Variants in RXYLT1 observed in about 807,000 individuals in gnomAD.
RXYLT1 encodes ribitol-5-phosphate xylosyltransferase 1.
Under a neutral mutation model 43.5 loss-of-function variants are expected in RXYLT1, and 41 were observed. The ratio of observed to expected loss-of-function variants is 0.94; its 90% CI spans 0.73 to 1.22. The LOEUF (loss-of-function observed/expected upper bound fraction) is 1.22, where lower values mean the gene tolerates loss of function less well. Among genes scored for constraint, RXYLT1 ranks in the 50% most tolerant of loss-of-function variants. The probability of loss-of-function intolerance (pLI) is 0.00; values close to 1 mark genes in which losing one functional copy is unlikely to be tolerated. For missense variants in RXYLT1, 514 were observed against 532.0 expected, an observed-to-expected ratio of 0.97 and a Z score of 0.33; for synonymous variants, 166 against 194.4, an observed-to-expected ratio of 0.85 and a Z score of 1.21.
At chr12:63,803,326 A>T (rs543360339) in intron 4 of RXYLT1, among the ~76,000 whole-genome samples, 2 of 151,904 alleles carry the variant, frequency 1.3e-5, no homozygotes, top group Non-Finnish European at 2.9e-5. Flanking sequence ...CTAGTATATA[A>T]ACCTCCTGAG....
chr12:63,780,068 G>A lies in RXYLT1; in HGVS notation c.108G>A (p.Pro36=), dbSNP rs748781177. 6 of 1,602,360 alleles carry A rather than the reference G, an allele frequency of 3.7e-6. No individual in the cohort carries two copies. In the African/African-American group the frequency reaches 5.4e-5, roughly 14 times the overall value. Residue 36 remains proline (P), a synonymous_variant, in exon 1 of 6, where the codon CCG becomes CCA. Coordinates refer to ENST00000261234, the MANE Select transcript of RXYLT1 (RefSeq NM_014254.3). The stretch of plus-strand genomic sequence containing the variant: ...TCTTCGGGCGCCGCCGCCAGGCGCC[G>A]GCCGGGTCCCCGCGGGGCCTCAGGA... ...HVFFGRRRQA[P]AGSPRGLRKG...
chr12:63,806,507 G>A (rs1378322644), intron 5 of RXYLT1: 1 of 152,234 alleles, frequency 6.6e-6, no homozygotes, highest in Non-Finnish European at 1.5e-5. Context: ...TCCAGACGTA[G>A]GGAAGAGCAA....
intron 3 of RXYLT1, among the ~76,000 whole-genome samples, chr12:63,796,199 C>T (rs542008818): frequency 3.9e-5 from 6 of 152,262 alleles, no homozygotes; most frequent in African/African-American, 1.4e-4. Context: ...TTTTGTAGAA[C>T]GTCCTTTAGT....
chr12:63,799,917 G>C (rs1345926051), intron 3 of RXYLT1, among the ~76,000 whole-genome samples: 1 of 152,056 alleles, frequency 6.6e-6, no homozygotes, highest in East Asian at 1.9e-4. Context: ...TAGCCCCTCA[G>C]ATTCTGCATA....
intron 5 of RXYLT1, chr12:63,807,205 AT>A (rs1401311606): frequency 6.6e-6 from 1 of 151,904 alleles, no homozygotes; most frequent in Non-Finnish European, 1.5e-5. Flanking sequence ...CCCTTTCTTC[AT>A]TTTATTCTTC....
At chr12:63,785,144 AAG>A in intron 3 of RXYLT1, 72 bp downstream of exon 3, 8 of 962,882 alleles carry the variant, frequency 8.3e-6, no homozygotes. Flanking sequence ...TAAATACTAA[AAG>A]AAAAATAATA....
intron 3 of RXYLT1, among the ~76,000 whole-genome samples, chr12:63,798,468 C>T (rs1414357088): frequency 6.6e-6 from 1 of 152,232 alleles, no homozygotes; most frequent in Non-Finnish European, 1.5e-5. Flanking sequence ...TACATACATA[C>T]AACCCAGGTA....
intron 1 of RXYLT1, chr12:63,780,480 C>T (rs1897654724): frequency 9.0e-7 from 1 of 1,111,076 alleles, no homozygotes; most frequent in African/African-American, 1.7e-5. Flanking sequence ...ACATCCGTTT[C>T]CATGTTGAAA....
rs1203788099 is a variant in RXYLT1, at chr12:63,809,027, A to G, written c.1267A>G (p.Thr423Ala). 1.3e-6 allele frequency: 2 copies of G among 1,589,146 alleles called. No individual in the cohort carries two copies. Among genetic ancestry groups the G allele is most frequent in the South Asian group, 2.3e-5 (2 of 86,072 alleles). ...ACTTCAGTGGTATCAGCACTTCAAGACAGAGCTTAAAATGAAATTTACTAA... is the reference window on the plus strand; with the variant it reads ...ACTTCAGTGGTATCAGCACTTCAAGGCAGAGCTTAAAATGAAATTTACTAA... ...MLLQWYQHFK[T>A]ELKMKFTNIL... Residue 423 changes from threonine to alanine, a missense_variant, in exon 6 of 6, where the codon ACA becomes GCA. Physicochemically the swap from Thr to Ala is moderately conservative, Grantham distance 58. Transcript: ENST00000261234.
chr12:63,786,324 C>G (rs1380831543), intron 3 of RXYLT1, among the ~76,000 whole-genome samples: 2 of 152,120 alleles, frequency 1.3e-5, no homozygotes, highest in Non-Finnish European at 2.9e-5. Flanking sequence ...GTATCCTTTA[C>G]TTCTGAAATA....
intron 3 of RXYLT1, among the ~76,000 whole-genome samples, chr12:63,792,390 C>T (rs1897936477): frequency 6.6e-6 from 1 of 152,216 alleles, no homozygotes; most frequent in Non-Finnish European, 1.5e-5. Flanking sequence ...GCCGATGTCT[C>T]ACCCAAGCCC....
At chr12:63,788,278 C>T (rs1399679881) in intron 3 of RXYLT1, among the ~76,000 whole-genome samples, 1 of 152,172 alleles carries the variant, frequency 6.6e-6, no homozygotes, top group Non-Finnish European at 1.5e-5. Context: ...TTGGCTTCAA[C>T]TTAAAGTCAC....
chr12:63,794,012 A>G (rs1320558202), intron 3 of RXYLT1, among the ~76,000 whole-genome samples: 1 of 152,198 alleles, frequency 6.6e-6, no homozygotes, highest in Non-Finnish European at 1.5e-5. Context: ...GGCCTCAACT[A>G]CCGAGCAAAG....
chr12:63,803,172 C>T (rs1592854329), intron 4 of RXYLT1, among the ~76,000 whole-genome samples: 1 of 90,534 alleles, frequency 1.1e-5, no homozygotes, highest in Non-Finnish European at 1.9e-5. Context: ...TGAGATGAGA[C>T]TGTCTCACCA....
chr12:63,790,231 A>C (rs557924963), intron 3 of RXYLT1: 7 of 152,258 alleles, frequency 4.6e-5, no homozygotes, highest in African/African-American at 1.7e-4. Flanking sequence ...GCAGGCTACA[A>C]TTGATAACCA....
chr12:63,807,401 C>T (rs1898322426), intron 5 of RXYLT1: 1 of 152,194 alleles, frequency 6.6e-6, no homozygotes, highest in Admixed American at 6.5e-5. Flanking sequence ...GACTTTGAAC[C>T]TCAGGTGCCC....
rs1038788079 is a variant in RXYLT1, at chr12:63,780,870, T to C, written c.170-149T>C. On this transcript the variant is annotated intron_variant, in intron 1 of 5. Coordinates refer to ENST00000261234, the MANE Select transcript of RXYLT1 (RefSeq NM_014254.3). ...TTGCTGATTTTCTTTTTTGTTTTCA[T>C]TGTGTATTACCAGTTTAAATTCAGT... The C allele has an allele frequency of 3.2e-5, 20 of 620,368 alleles. No homozygotes were observed. The African/African-American group carries it at 3.8e-4, about 12-fold the overall frequency. 38.4% of individuals were successfully genotyped at this position (620,368 alleles called of 1,614,324 possible).
intron 3 of RXYLT1, among the ~76,000 whole-genome samples, chr12:63,788,505 A>C (rs73313420): frequency 0.023 from 3,565 of 152,324 alleles, 155 homozygotes; most frequent in African/African-American, 0.081. Flanking sequence ...CTACATTAGT[A>C]CTTGCTGCTT....
rs1169163923 is a variant in RXYLT1, at chr12:63,805,267, G to T, written c.777G>T (p.Trp259Cys). Reference sequence around the variant, plus strand: ...ATTTTCCTGTGGTGGAGGCAAGTTGGTCAATGCTGCATGATGAGAGGCCAT... The same window carrying T: ...ATTTTCCTGTGGTGGAGGCAAGTTGTTCAATGCTGCATGATGAGAGGCCAT... Reference protein sequence around the residue: ...YRNFPVVEASWSMLHDERPYL... With the variant: ...YRNFPVVEASCSMLHDERPYL... Residue 259 changes from tryptophan to cysteine, a missense_variant, in exon 5 of 6, where the codon TGG becomes TGT. Transcript: ENST00000261234. 6.2e-7 allele frequency: 1 copy of T among 1,608,242 alleles called. No homozygotes were observed. Among genetic ancestry groups the T allele is most frequent in the East Asian group, 2.2e-5 (1 of 44,780 alleles).
Sources: allele counts gnomAD v4.1 joint callset (sites outside exome capture counted in the v4.1 genomes callset), GRCh38; gene constraint gnomAD v4.1.1; transcripts MANE v1.5; gene names NCBI Gene and HGNC (gene_info 2026-07-23, HGNC 2026-07-21).